Variants in RERE observed in about 807,000 individuals in gnomAD.
RERE encodes arginine-glutamic acid dipeptide repeats protein.
Under a neutral mutation model 146.1 loss-of-function variants are expected in RERE, and 40 were observed. That is an observed-to-expected ratio of 0.27 (90% CI 0.21 to 0.36). The LOEUF (loss-of-function observed/expected upper bound fraction) is 0.36. RERE is among the 10% of genes least tolerant of loss of function. The pLI is 1.00. For synonymous variants in RERE, 1,003 were observed against 866.0 expected (o/e 1.16, Z -2.78); for missense variants, 1,933 against 2,138.7 (o/e 0.90, Z 1.90).
At chr1:8,457,747 C>A (rs1033888981) in intron 11 of RERE, among the ~76,000 whole-genome samples, 1 of 152,030 alleles carries the variant, frequency 6.6e-6, no homozygotes, top group East Asian at 1.9e-4. Context: ...ATTACAAGCA[C>A]GCACCACCAC....
intron 10 of RERE, among the ~76,000 whole-genome samples, chr1:8,476,573 G>C (rs1232571391): frequency 6.6e-6 from 1 of 152,212 alleles, no homozygotes; most frequent in African/African-American, 2.4e-5. Context: ...AGTGCTAAAT[G>C]AAAGCTGATG....
intron 6 of RERE, among the ~76,000 whole-genome samples, chr1:8,544,815 T>G (rs1400380309): frequency 6.6e-6 from 1 of 152,178 alleles, no homozygotes; most frequent in East Asian, 1.9e-4. Context: ...TGGTAATGAT[T>G]CATAATCTTG....
At chr1:8,400,864 A>C (rs1221902564) in intron 12 of RERE, among the ~76,000 whole-genome samples, 2 of 145,488 alleles carry the variant, frequency 1.4e-5, no homozygotes, top group African/African-American at 5.0e-5. Context: ...AAAAAAACCC[A>C]AAAATTATCC....
At chr1:8,737,526 AG>A (rs1486457977) in intron 1 of RERE, among the ~76,000 whole-genome samples, 2 of 152,198 alleles carry the variant, frequency 1.3e-5, no homozygotes, top group African/African-American at 4.8e-5. Context: ...TGCAAGTTGA[AG>A]AGAACTCACA....
intron 2 of RERE, among the ~76,000 whole-genome samples, chr1:8,655,717 C>G (rs1267816587): frequency 6.6e-6 from 1 of 152,204 alleles, no homozygotes; most frequent in East Asian, 1.9e-4. Context: ...AGTTAGAGAA[C>G]AAGCAGCACA....
chr1:8,562,582 A>G (rs557232538), intron 4 of RERE, among the ~76,000 whole-genome samples: 19 of 152,242 alleles, frequency 1.2e-4, no homozygotes, highest in African/African-American at 4.1e-4. Context: ...TCGACCTCCC[A>G]GGCTCAAGTG....
chr1:8,619,953 A>C (rs1229408785), intron 3 of RERE, among the ~76,000 whole-genome samples: 2 of 152,204 alleles, frequency 1.3e-5, no homozygotes, highest in African/African-American at 4.8e-5. Flanking sequence ...ATACTTCTTC[A>C]GTCTCCCTTT....
chr1:8,589,886 A>G (rs1032342222), intron 4 of RERE, among the ~76,000 whole-genome samples: 1 of 152,192 alleles, frequency 6.6e-6, no homozygotes, highest in African/African-American at 2.4e-5. Context: ...ACCCTCATAT[A>G]AACTCTATAA....
rs538074138 is a variant in RERE, at chr1:8,533,639, T to C, written c.830+7575A>G. On this transcript the variant is annotated intron_variant, in intron 7 of 22. Transcript: ENST00000400908. The stretch of plus-strand genomic sequence containing the variant: ...GCCCAGAATCCCAACCCTAAACAGG[T>C]GGGTTTCCCTGTTACTCCCCTCTAG... 3.3e-5 allele frequency among the ~76,000 whole-genome samples: 5 copies of C among 152,334 alleles called. No homozygotes were observed. In the South Asian group the frequency reaches 8.3e-4, roughly 25 times the overall value.
chr1:8,706,876 C>G (rs1639570082), intron 1 of RERE, among the ~76,000 whole-genome samples: 1 of 152,162 alleles, frequency 6.6e-6, no homozygotes, highest in Admixed American at 6.5e-5. Flanking sequence ...GTTATTACAA[C>G]AAAAACTATA....
chr1:8,549,243 T>C (rs1193440632), intron 6 of RERE, among the ~76,000 whole-genome samples: 1 of 151,970 alleles, frequency 6.6e-6, no homozygotes, highest in African/African-American at 2.4e-5. Flanking sequence ...CGCTGGAAGT[T>C]AGAAAATAAA....
intron 1 of RERE, among the ~76,000 whole-genome samples, chr1:8,765,580 A>G (rs957282736): frequency 6.6e-6 from 1 of 152,158 alleles, no homozygotes; most frequent in Non-Finnish European, 1.5e-5. Context: ...GCACTTTGGG[A>G]GGCTGAGGTG....
chr1:8,660,254 C>T (rs952910349), intron 1 of RERE, among the ~76,000 whole-genome samples: 6 of 152,078 alleles, frequency 3.9e-5, no homozygotes, highest in African/African-American at 1.4e-4. Flanking sequence ...TATAATTCTT[C>T]TGCGCCTTAG....
At chr1:8,683,199 T>C (rs1437222239) in intron 1 of RERE, among the ~76,000 whole-genome samples, 1 of 152,144 alleles carries the variant, frequency 6.6e-6, no homozygotes, top group East Asian at 1.9e-4. Context: ...GGGGAGAGGA[T>C]GCAGGCCCAG....
At position 8,647,641 on chromosome 1, in the gene RERE, A is replaced by ATATGTGTGTGTGTGTG. The variant is rs371893375; in HGVS notation, c.325+8331_325+8332insCACACACACACACATA. 1.7e-3 allele frequency among the ~76,000 whole-genome samples: 254 copies of ATATGTGTGTGTGTGTG among 148,636 alleles called. 5 individuals are homozygous for ATATGTGTGTGTGTGTG. The highest frequency in any genetic ancestry group is 9.8e-3 in the South Asian group (45 of 4,600). On this transcript the variant is annotated intron_variant, in intron 2 of 22. Coordinates refer to ENST00000400908, the MANE Select transcript of RERE (RefSeq NM_001042681.2). ...AAATGAGCTTCTATTTAAAATATGT[A>ATATGTGTGTGTGTGTG]TGTGTGTGTGTGTGTGTGTGTGTGT...
chr1:8,647,128 T>G lies in RERE; in HGVS notation c.325+8845A>C, dbSNP rs762228984. 5.3e-5 allele frequency among the ~76,000 whole-genome samples: 8 copies of G among 152,222 alleles called. No homozygotes were observed. In the East Asian group the frequency reaches 1.5e-3, roughly 29 times the overall value. On this transcript the variant is annotated intron_variant, in intron 2 of 22. Transcript: ENST00000400908. ...ACCCTGCCAACACCTTGCTGTTGGA[T>G]GTGTGGCCTCCAGAACTGTAAGACA...
intron 1 of RERE, among the ~76,000 whole-genome samples, chr1:8,680,345 G>A (rs150477225): frequency 6.2e-4 from 95 of 152,364 alleles, no homozygotes; most frequent in Non-Finnish European, 1.1e-3. Flanking sequence ...CATCTGCCAT[G>A]AGAAGAGGCC....
intron 1 of RERE, among the ~76,000 whole-genome samples, chr1:8,815,331 A>G (rs1455478333): frequency 1.3e-5 from 2 of 152,190 alleles, no homozygotes; most frequent in Non-Finnish European, 2.9e-5. Context: ...TATTAACCTC[A>G]ATACAACCTT....
intron 1 of RERE, among the ~76,000 whole-genome samples, chr1:8,775,211 A>G (rs1430524639): frequency 1.3e-5 from 2 of 151,956 alleles, no homozygotes; most frequent in East Asian, 3.9e-4. Context: ...CACCTGCCTC[A>G]GCCTCCCAAA....
Sources: allele counts gnomAD v4.1 joint callset (sites outside exome capture counted in the v4.1 genomes callset), GRCh38; gene constraint gnomAD v4.1.1; transcripts MANE v1.5; gene names NCBI Gene and HGNC (gene_info 2026-07-23, HGNC 2026-07-21).